The following MYBPC3 variants were observed in gnomAD, a reference collection of about 807,000 sequenced individuals.
MYBPC3 encodes myosin binding protein C3, also known as myosin-binding protein C, cardiac-type.
A neutral mutation model predicts 159.3 loss-of-function variants in MYBPC3; 108 were observed. The ratio of observed to expected loss-of-function variants is 0.68; its 90% CI spans 0.58 to 0.80. The LOEUF (loss-of-function observed/expected upper bound fraction) is 0.80, where lower values mean the gene tolerates loss of function less well. MYBPC3 is among the 30% of genes least tolerant of loss of function. MYBPC3 has a pLI of 0.00. For synonymous variants in MYBPC3, 730 were observed against 702.0 expected (o/e 1.04, Z -0.63); for missense variants, 1,631 against 1,762.1 (o/e 0.93, Z 1.33).
In MYBPC3 at chr11:47,347,664, C is replaced by A; in HGVS notation, c.838G>T (p.Gly280Cys). Residue 280 changes from glycine to cysteine, a missense_variant, in exon 8 of 35, where the codon GGT (glycine) becomes TGT (cysteine). Physicochemically the swap from Gly to Cys is radical, Grantham distance 159 (BLOSUM62 -3). Transcript: ENST00000545968. ...AFRRTSLAGG[G>C]RRISDSHEDT... ...GGGCAGGGGTACCTGATCCGCCGAC[C>A]ACCTCCAGCCAGGCTCCTGTGGGGG... The A allele has an allele frequency of 6.4e-7, 1 of 1,573,786 alleles. No individual in the cohort carries two copies. Among genetic ancestry groups the A allele is most frequent in the Non-Finnish European group, 8.6e-7 (1 of 1,159,972 alleles).
intron 27 of MYBPC3, 74 bp from the exon 28 acceptor site, chr11:47,334,084 TG>T: frequency 7.1e-7 from 1 of 1,405,232 alleles, no homozygotes; most frequent in Non-Finnish European, 9.8e-7. Context: ...CAACCTCCCT[TG>T]AGACAAGGCC....
rs780085131 is a variant in MYBPC3 at position 47,351,413 on chromosome 11, C to T, written c.118G>A (p.Val40Met). Residue 40 changes from valine (V) to methionine (M), a missense_variant, in exon 2 of 35, where the codon GTG becomes ATG. Val to Met is a conservative substitution (Grantham distance 21, BLOSUM62 1). Transcript: ENST00000545968. This position sits in a 1 kb window ranked among gnomAD's most constrained non-coding sequence, Gnocchi z 4.2. ...TCACTGCCTCCGCGCTGCCAGCGCA[C>T]CTTCACTCCTGCCCGCTCTGTCTCG... ...EAETERAGVK[V>M]RWQRGGSDIS... The T allele has an allele frequency of 4.3e-6, 7 of 1,610,216 alleles. No homozygotes were observed. In the African/African-American group the frequency reaches 6.7e-5, roughly 15 times the overall value.
Position 47,332,635 on chromosome 11 carries a change from G to A in MYBPC3, c.3558C>T (p.Pro1186=), listed in dbSNP as rs577832590. The change falls in exon 32 of 35, where the codon CCC becomes CCT. Residue 1186 remains proline (P), a synonymous_variant. Coordinates refer to ENST00000545968, the MANE Select transcript of MYBPC3 (RefSeq NM_000256.3). This position sits in a 1 kb window ranked among gnomAD's most constrained non-coding sequence, Gnocchi z 4.2. ...CCGCGATGACCGAGCGGTTCACCAG[G>A]GGCTGGGTGAAGCTTGGGGCCTCGG... The part of the protein sequence containing the change: ...DFSEAPSFTQ[P]LVNRSVIAGY... 2 of 1,613,878 alleles carry A rather than the reference G, an allele frequency of 1.2e-6. No homozygotes were observed. The highest frequency in any genetic ancestry group is 3.3e-5 in the Admixed American group (2 of 60,020).
At position 47,333,174 on chromosome 11, in the gene MYBPC3, A is replaced by C; in HGVS notation, c.3330+20T>G. 1.9e-6 allele frequency: 3 copies of C among 1,597,580 alleles called. No homozygotes were observed. The highest frequency in any genetic ancestry group is 1.1e-5 in the South Asian group (1 of 88,300). On this transcript the variant is annotated intron_variant, in intron 30 of 34. Transcript: ENST00000545968. ...GGGCCTAGGCAGGGTGCACGTGGGG[A>C]CCCCAGACCCTGGGCTCACCATGGT...
Position 47,346,309 on chromosome 11 carries a change from G to C in MYBPC3, c.988C>G (p.Pro330Ala), listed in dbSNP as rs1369307553. The C allele has an allele frequency of 1.2e-6, 2 of 1,612,804 alleles. No individual in the cohort carries two copies. The highest frequency in any genetic ancestry group is 1.7e-6 in the Non-Finnish European group (2 of 1,179,374). ...DVWEILRQAP[P>A]SEYERIAFQY... ...AAGGCGATGCGCTCGTACTCAGATG[G>C]GGGTGCCTGCCGTAGGATCTCCCAC... Residue 330 changes from proline (P) to alanine (A), a missense_variant, in exon 12 of 35, where the codon CCA (proline) becomes GCA (alanine). Transcript: ENST00000545968. This position sits in a 1 kb window ranked among gnomAD's most constrained non-coding sequence, Gnocchi z 5.3.
rs1044965032 is a variant in MYBPC3 at position 47,332,349 on chromosome 11, G to A, written c.3628-91C>T. On this transcript the variant is annotated intron_variant, in intron 32 of 34. Transcript: ENST00000545968. This position sits in a 1 kb window ranked among gnomAD's most constrained non-coding sequence, Gnocchi z 4.2. ...GGGAGACACATCTGTGTTTCTACTC[G>A]GGGGGTCCCACGAGAGTCCCTGACT... is the stretch of plus-strand genomic sequence containing the variant. 20 of 1,494,504 alleles carry A rather than the reference G, an allele frequency of 1.3e-5. No individual in the cohort carries two copies. The Admixed American group carries it at 1.7e-4, about 13-fold the overall frequency. 92.6% of individuals were successfully genotyped at this position (1,494,504 alleles called of 1,614,324 possible).
chr11:47,350,002 G>T lies in MYBPC3; in HGVS notation c.505+12C>A. 1 of 1,560,162 alleles carries T rather than the reference G, an allele frequency of 6.4e-7. No homozygotes were observed. Among genetic ancestry groups the T allele is most frequent in the Non-Finnish European group, 8.7e-7 (1 of 1,152,242 alleles). ...TCCCACCCCAATGCTGGGCACAGCA[G>T]CTCACACTCACCCACGGTCACCTCG... On this transcript the variant is annotated intron_variant, in intron 4 of 34. Transcript: ENST00000545968.
rs753300898 is a variant in MYBPC3 at position 47,351,337 on chromosome 11, G to A, written c.194C>T (p.Thr65Met). The A allele has an allele frequency of 1.6e-5, 25 of 1,597,374 alleles. No individual in the cohort carries two copies. The highest frequency in any genetic ancestry group is 1.6e-4 in the Middle Eastern group (1 of 6,064). Residue 65 changes from threonine to methionine, a missense_variant, in exon 2 of 35, where the codon ACG (threonine) becomes ATG (methionine). Thr to Met is a moderately conservative substitution (Grantham distance 81). Transcript: ENST00000545968. This position sits in a 1 kb window ranked among gnomAD's most constrained non-coding sequence, Gnocchi z 4.2. ...AGGGCCCACTTCCCGCACTGTCAGCGTATGCCGTGTGCCCTCTGTGGCCAG... is the reference window on the plus strand; with the variant it reads ...AGGGCCCACTTCCCGCACTGTCAGCATATGCCGTGTGCCCTCTGTGGCCAG... ...YGLATEGTRH[T>M]LTVREVGPAD...
chr11:47,335,290 G>A (rs2095881194), intron 26 of MYBPC3, 81 bp from the exon 27 acceptor site: 1 of 1,095,598 alleles, frequency 9.1e-7, no homozygotes, highest in Admixed American at 3.0e-5. Context: ...CCTCTGATAG[G>A]AATCTCCAGG....
intron 23 of MYBPC3, 47 bp from the exon 24 acceptor site, chr11:47,337,841 CCT>C: frequency 6.6e-7 from 1 of 1,504,446 alleles, no homozygotes; most frequent in Non-Finnish European, 9.0e-7. Context: ...CCGCTCAGGG[CCT>C]TGAGTAACGT....
In MYBPC3 at chr11:47,332,897, T is replaced by C. The variant is rs1278059170; in HGVS notation, c.3407A>G (p.Tyr1136Cys). 2 of 1,608,706 alleles carry C rather than the reference T, an allele frequency of 1.2e-6. No homozygotes were observed. Among genetic ancestry groups the C allele is most frequent in the African/African-American group, 1.3e-5 (1 of 74,928 alleles). ...CATATTCTGGCTGAAGACGCGGAAGTAGTAGCCATTGCCAATGATGAGCTC... is the reference window on the plus strand; with the variant it reads ...CATATTCTGGCTGAAGACGCGGAAGCAGTAGCCATTGCCAATGATGAGCTC... ...VPELIIGNGYYFRVFSQNMVG... is the reference protein window; with the variant it reads ...VPELIIGNGYCFRVFSQNMVG... The change falls in exon 31 of 35, where the codon TAC (tyrosine) becomes TGC (cysteine). Residue 1136 changes from tyrosine (Y) to cysteine (C), a missense_variant. Transcript: ENST00000545968. The surrounding 1 kb of genome is among the most constrained non-coding windows in gnomAD (Gnocchi z 4.2).
intron 5 of MYBPC3, among the ~76,000 whole-genome samples, chr11:47,348,908 T>TTATATATATATATATATATATA (rs58411933): frequency 0.095 from 3,777 of 39,742 alleles, 861 homozygotes; most frequent in Middle Eastern, 0.14. Flanking sequence ...CTGTCTCAAA[T>TTATATATATATATATATATATA]TATATATATA....
Position 47,332,135 on chromosome 11 carries a change from A to G in MYBPC3, c.3751T>C (p.Tyr1251His), listed in dbSNP as rs730880601. ...TGTAAGTTGGTGGCCCTGCAGACAT[A>G]GATGCCCCCGTCAAAGGGGCAGGGC... ...RKPCPFDGGI[Y>H]VCRATNLQGE... Residue 1251 changes from tyrosine to histidine, a missense_variant, in exon 33 of 35, where the codon TAT becomes CAT. Tyr to His is a moderately conservative substitution (Grantham distance 83). Coordinates refer to ENST00000545968, the MANE Select transcript of MYBPC3 (RefSeq NM_000256.3). The surrounding 1 kb of genome is among the most constrained non-coding windows in gnomAD (Gnocchi z 4.2). 11 of 1,613,710 alleles carry G rather than the reference A, an allele frequency of 6.8e-6. No individual in the cohort carries two copies. Among genetic ancestry groups the G allele is most frequent in the Non-Finnish European group, 9.3e-6 (11 of 1,179,890 alleles).
At chr11:47,342,423 T>G (rs2095889625) in intron 17 of MYBPC3, among the ~76,000 whole-genome samples, 155 bp downstream of exon 17, 1 of 152,178 alleles carries the variant, frequency 6.6e-6, no homozygotes, top group Non-Finnish European at 1.5e-5. Context: ...AGCATCGTCA[T>G]TTTAGAGATG....
In MYBPC3 at chr11:47,341,995, C is replaced by G; in HGVS notation, c.1786G>C (p.Gly596Arg). ...PDSRIKVSHI[G>R]RVHKLTIDDV... ...CCACCTGCCCTGCACACTCACCGCC[C>G]GATGTGGGACACCTTTATGCGGCTG... is the stretch of plus-strand genomic sequence containing the variant. The change falls in exon 18 of 35, where the codon GGG (glycine) becomes CGG (arginine). Residue 596 changes from glycine (G) to arginine (R), a missense_variant. Physicochemically the swap from Gly to Arg is moderately radical, Grantham distance 125. Transcript: ENST00000545968. 1 of 1,561,756 alleles carries G rather than the reference C, an allele frequency of 6.4e-7. No individual in the cohort carries two copies.
rs1209116649 is a variant in MYBPC3, at chr11:47,338,479, G to T, written c.2308+41C>A. 6.2e-7 allele frequency: 1 copy of T among 1,612,846 alleles called. No individual in the cohort carries two copies. The highest frequency in any genetic ancestry group is 1.7e-5 in the Admixed American group (1 of 59,986). On this transcript the variant is annotated intron_variant, in intron 23 of 34. Transcript: ENST00000545968. The surrounding 1 kb of genome is among the most constrained non-coding windows in gnomAD (Gnocchi z 4.7). ...GAACGGATGGGCCCTCCTTGGGGCT[G>T]CCCCTCTGTGTTCTCCAGCTTGGAC...
At position 47,338,802 on chromosome 11, in the gene MYBPC3, C is replaced by T. The variant is rs1210268917; in HGVS notation, c.2149-123G>A. 17 of 1,193,504 alleles carry T rather than the reference C, an allele frequency of 1.4e-5. No homozygotes were observed. In the East Asian group the frequency reaches 3.3e-4, roughly 23 times the overall value. 73.9% of individuals were successfully genotyped at this position (1,193,504 alleles called of 1,614,324 possible). On this transcript the variant is annotated intron_variant, in intron 22 of 34. Coordinates refer to ENST00000545968, the MANE Select transcript of MYBPC3 (RefSeq NM_000256.3). This position sits in a 1 kb window ranked among gnomAD's most constrained non-coding sequence, Gnocchi z 4.7. ...ACACAGCCTGTGGGAAGACTGCATC[C>T]ACGTCAGCATCTAGTTCAAAATCAT...
chr11:47,347,603 C>A lies in MYBPC3; in HGVS notation c.851+48G>T, dbSNP rs757219766. On this transcript the variant is annotated intron_variant, in intron 8 of 34. Transcript: ENST00000545968. ...AGATTGGGCTCCCACCCGTCTCAGA[C>A]CCCTGGGGGTCTGCGGATGGTGCAG... 28 of 1,564,434 alleles carry A rather than the reference C, an allele frequency of 1.8e-5. No homozygotes were observed. The Admixed American group carries it at 3.2e-4, about 18-fold the overall frequency.
intron 29 of MYBPC3, 49 bp from the exon 30 acceptor site, chr11:47,333,382 AG>A (rs2095879237): frequency 6.6e-7 from 1 of 1,514,872 alleles, no homozygotes; most frequent in African/African-American, 1.4e-5. Context: ...GACAGTGAGC[AG>A]GGGGTCACTG....
Sources: gnomAD v4.1 joint callset for allele counts (sites outside exome capture counted in the v4.1 genomes callset) on GRCh38, gnomAD v4.1.1 for gene constraint, Gnocchi (gnomAD v3.1) non-coding constraint, MANE v1.5 for transcripts, NCBI Gene and HGNC (gene_info 2026-07-23, HGNC 2026-07-21) for gene names.